The following TAFA2 variants were observed in gnomAD, a reference collection of about 807,000 sequenced individuals.
TAFA2 encodes the protein chemokine-like protein TAFA-2.
A neutral mutation model predicts 18.8 loss-of-function variants in TAFA2; 7 were observed. That is an observed-to-expected ratio of 0.37 (90% CI 0.21 to 0.70). The LOEUF is 0.70. Among genes scored for constraint, TAFA2 ranks in the 30% least tolerant of loss-of-function variants. The probability of loss-of-function intolerance (pLI) is 0.53; values close to 1 mark genes in which losing one functional copy is unlikely to be tolerated. For missense variants in TAFA2, 122 were observed against 158.1 expected (o/e 0.77, Z 1.23); for synonymous variants, 60 against 54.2 (o/e 1.11, Z -0.47).
chr12:61,814,700 A>G lies in TAFA2; in HGVS notation c.106+52620T>C, dbSNP rs973210328. 8.3e-4 allele frequency among the ~76,000 whole-genome samples: 125 copies of G among 151,418 alleles called. 8 individuals are homozygous for G. The highest frequency in any genetic ancestry group is 2.8e-3 in the African/African-American group (114 of 40,748). On this transcript the variant is annotated intron_variant, in intron 2 of 4. Coordinates refer to ENST00000416284, the MANE Select transcript of TAFA2 (RefSeq NM_178539.5). ...TTTCAGCAAAGGATCTTGAGATGGA[A>G]GATTATTCTGGATTATCTCAGTGGG...
In TAFA2 at chr12:61,708,965, A is replaced by C. The variant is rs1269082690; in HGVS notation, c.*1441T>G. The C allele has an allele frequency of 1.3e-5, 2 of 152,490 alleles. No homozygotes were observed. Among genetic ancestry groups the C allele is most frequent in the African/African-American group, 2.4e-5 (1 of 41,442 alleles). 9.4% of individuals were successfully genotyped at this position (152,490 alleles called of 1,614,324 possible). ...CTTCCATACCACCTTCCATGATGGA[A>C]ATTCTAACAGGACAATTTTTGAAGC... On this transcript the variant is annotated 3_prime_UTR_variant, in exon 5 of 5. Coordinates refer to ENST00000416284, the MANE Select transcript of TAFA2 (RefSeq NM_178539.5).
intron 1 of TAFA2, among the ~76,000 whole-genome samples, chr12:61,870,865 C>A (rs1368976964): frequency 6.6e-6 from 1 of 152,134 alleles, no homozygotes; most frequent in Non-Finnish European, 1.5e-5. Context: ...ACTTGCCATA[C>A]CATATTATAA....
At chr12:61,996,711 T>A (rs1308339238) in intron 1 of TAFA2, among the ~76,000 whole-genome samples, 1 of 152,126 alleles carries the variant, frequency 6.6e-6, no homozygotes, top group Non-Finnish European at 1.5e-5. Context: ...AGCACTCCAC[T>A]TATGTACCCT....
At chr12:62,019,268 G>A (rs1184686458) in intron 1 of TAFA2, among the ~76,000 whole-genome samples, 1 of 152,010 alleles carries the variant, frequency 6.6e-6, no homozygotes, top group African/African-American at 2.4e-5. Context: ...TCAGTGTGGC[G>A]ATTCCTCAGG....
At chr12:61,891,734 G>T (rs918929264) in intron 1 of TAFA2, among the ~76,000 whole-genome samples, 6 of 151,996 alleles carry the variant, frequency 3.9e-5, no homozygotes, top group African/African-American at 1.4e-4. Flanking sequence ...CATATTCTGG[G>T]CAAAATAAAA....
chr12:61,849,444 T>A (rs1873550531), intron 2 of TAFA2, among the ~76,000 whole-genome samples: 1 of 152,214 alleles, frequency 6.6e-6, no homozygotes, highest in Admixed American at 6.5e-5. Flanking sequence ...TAAGCACTCA[T>A]TTTGCTTGGT....
intron 1 of TAFA2, among the ~76,000 whole-genome samples, chr12:62,088,902 C>A (rs12816241): frequency 3.7e-4 from 48 of 129,320 alleles, no homozygotes; most frequent in African/African-American, 1.1e-3. Flanking sequence ...CTCTCTCTCT[C>A]TCTATCTCTG....
chr12:61,886,232 A>G (rs1451045171), intron 1 of TAFA2, among the ~76,000 whole-genome samples: 1 of 152,168 alleles, frequency 6.6e-6, no homozygotes, highest in South Asian at 2.1e-4. Flanking sequence ...ACCCATTACC[A>G]TGGGAGTTAC....
intron 2 of TAFA2, among the ~76,000 whole-genome samples, chr12:61,856,048 A>G (rs1873870033): frequency 1.3e-5 from 2 of 152,124 alleles, no homozygotes; most frequent in Non-Finnish European, 2.9e-5. Context: ...GATGGGTTAT[A>G]TGTCTTTTAA....
chr12:61,755,865 A>G (rs1869240302), intron 2 of TAFA2, among the ~76,000 whole-genome samples: 1 of 152,090 alleles, frequency 6.6e-6, no homozygotes, highest in Admixed American at 6.6e-5. Flanking sequence ...TTTCTTCTTC[A>G]AATAGTAATC....
intron 1 of TAFA2, among the ~76,000 whole-genome samples, chr12:62,039,451 A>G (rs1477519582): frequency 5.9e-5 from 9 of 152,102 alleles, no homozygotes; most frequent in Non-Finnish European, 7.4e-5. Flanking sequence ...CCTCAAAAAA[A>G]TTTTTCACTG....
intron 1 of TAFA2, among the ~76,000 whole-genome samples, chr12:62,243,079 T>C (rs1414709111): frequency 1.3e-5 from 2 of 152,218 alleles, no homozygotes; most frequent in Non-Finnish European, 2.9e-5. Flanking sequence ...AAGCCAGTTA[T>C]TTAGATTTTT....
intron 2 of TAFA2, among the ~76,000 whole-genome samples, chr12:61,804,319 C>T (rs115141831): frequency 2.2e-3 from 329 of 152,122 alleles, no homozygotes; most frequent in African/African-American, 7.4e-3. Context: ...ATATGTCACT[C>T]ATTATAAACA....
intron 1 of TAFA2, among the ~76,000 whole-genome samples, chr12:61,949,930 C>A (rs1456872915): frequency 6.6e-6 from 1 of 152,146 alleles, no homozygotes; most frequent in East Asian, 1.9e-4. Flanking sequence ...ATTTTCCCCT[C>A]TTTCTCTAGT....
intron 1 of TAFA2, among the ~76,000 whole-genome samples, chr12:62,256,102 C>G (rs1383667087): frequency 6.6e-6 from 1 of 152,008 alleles, no homozygotes; most frequent in Admixed American, 6.6e-5. Flanking sequence ...AACCCTGTCT[C>G]TACTAAAAAT....
chr12:62,190,429 A>AG (rs1245811585), intron 1 of TAFA2, among the ~76,000 whole-genome samples: 7 of 152,184 alleles, frequency 4.6e-5, no homozygotes, highest in African/African-American at 1.7e-4. Flanking sequence ...TCAGAATTGA[A>AG]GGGGGAAGGA....
chr12:62,104,793 G>C (rs1869371942), intron 1 of TAFA2: 5 of 434,046 alleles, frequency 1.2e-5, no homozygotes, highest in African/African-American at 8.2e-5. Context: ...TTCTCTAGGG[G>C]AGAGCAAACT....
At chr12:61,790,334 C>T (rs1334830621) in intron 2 of TAFA2, among the ~76,000 whole-genome samples, 1 of 151,816 alleles carries the variant, frequency 6.6e-6, no homozygotes, top group Non-Finnish European at 1.5e-5. Flanking sequence ...ATTTAAACAA[C>T]TTCTATTCAA....
At chr12:61,947,460 A>AG (rs879308297) in intron 1 of TAFA2, among the ~76,000 whole-genome samples, 25 of 151,496 alleles carry the variant, frequency 1.7e-4, no homozygotes, top group Non-Finnish European at 2.5e-4. Flanking sequence ...AGTATAATTT[A>AG]AAAAATAAAT....
Sources: allele counts gnomAD v4.1 joint callset (sites outside exome capture counted in the v4.1 genomes callset), GRCh38; gene constraint gnomAD v4.1.1; transcripts MANE v1.5; gene names NCBI Gene and HGNC (gene_info 2026-07-23, HGNC 2026-07-21).